OTOG: variants seen among roughly 807,000 people sequenced by gnomAD.
The protein encoded by OTOG is otogelin.
A neutral mutation model predicts 313.8 loss-of-function variants in OTOG; 296 were observed. That is an observed-to-expected ratio of 0.94 (90% CI 0.86 to 1.04). OTOG has a LOEUF of 1.04. OTOG is among the 50% of genes least tolerant of loss of function. OTOG has a pLI of 0.00. For missense variants in OTOG, 3,948 were observed against 3,840.1 expected (o/e 1.03, Z -0.74); for synonymous variants, 1,533 against 1,554.9 (o/e 0.99, Z 0.33).
At position 17,643,471 on chromosome 11, in the gene OTOG, C is replaced by A; in HGVS notation, c.8426C>A (p.Ser2809Tyr). 2.1e-6 allele frequency: 3 copies of A among 1,462,310 alleles called. No individual in the cohort carries two copies. The highest frequency in any genetic ancestry group is 1.4e-5 in the South Asian group (1 of 70,360). The allele number at this position is 1,462,310 out of a possible 1,614,324, so 90.6% of individuals were successfully genotyped here. The stretch of plus-strand genomic sequence containing the variant: ...ACTTCCTCTCTCTAGGTTGGGGGTT[C>A]CGTGGTACCTTCCTTGGAAGGATGC... ...NETECAKVGG[S>Y]VVPSLEGCCR... Residue 2809 changes from serine to tyrosine, a missense_variant, in exon 54 of 56, where the codon TCC becomes TAC. Ser to Tyr is a moderately radical substitution (Grantham distance 144). Transcript: ENST00000399397.
chr11:17,548,098 G>C, intron 2 of OTOG, 54 bp from the exon 3 acceptor site: 2 of 1,513,360 alleles, frequency 1.3e-6, no homozygotes, highest in Non-Finnish European at 1.8e-6. Context: ...GGGACTGCGG[G>C]GAGGCATAAC....
rs1565094488 is a variant in OTOG at position 17,563,853 on chromosome 11, G to GT, written c.1644+2046_1644+2047insT. ...GTGCCACCACACCTGGCTAGTTTTT[G>GT]GTTTTTTTTTTTTTTTTTTTTTTTG... On this transcript the variant is annotated intron_variant, in intron 15 of 55. Coordinates refer to ENST00000399397, the MANE Select transcript of OTOG (RefSeq NM_001292063.2). Among the ~76,000 whole-genome samples the GT allele has an allele frequency of 9.0e-3, 1,196 of 133,196 alleles. 21 individuals are homozygous for GT. The highest frequency in any genetic ancestry group is 0.035 in the African/African-American group (1,110 of 31,576). 87.4% of individuals were successfully genotyped at this position (133,196 alleles called of 152,430 possible).
At chr11:17,638,668 T>C (rs551008826) in intron 48 of OTOG, 119 bp downstream of exon 48, 2 of 1,496,044 alleles carry the variant, frequency 1.3e-6, no homozygotes, top group Non-Finnish European at 1.8e-6. Flanking sequence ...CTGCAGGGTC[T>C]CTAGAGGAAG....
intron 54 of OTOG, 55 bp downstream of exon 54, chr11:17,643,561 T>G (rs1848016757): frequency 7.8e-7 from 1 of 1,279,830 alleles, no homozygotes. Context: ...GGGCACAGGG[T>G]GTCATGTCAG....
In OTOG at chr11:17,641,836, C is replaced by A; in HGVS notation, c.8191-11C>A. The A allele has an allele frequency of 1.9e-6, 3 of 1,545,946 alleles. No homozygotes were observed. Among genetic ancestry groups the A allele is most frequent in the East Asian group, 2.4e-5 (1 of 40,878 alleles). On this transcript the variant is annotated splice_polypyrimidine_tract_variant and intron_variant, in intron 51 of 55. Coordinates refer to ENST00000399397, the MANE Select transcript of OTOG (RefSeq NM_001292063.2). ...GCATCTGGCTGAGGCCCACCCCGCC[C>A]TGGCCTGTAGAACCAGGAGTACGAG...
rs114262070 is a variant in OTOG, at chr11:17,604,111, G to C, written c.3877+1734G>C. On this transcript the variant is annotated intron_variant, in intron 32 of 55. Coordinates refer to ENST00000399397, the MANE Select transcript of OTOG (RefSeq NM_001292063.2). ...GGTGCAGTGCTTGTTAGTGACAGGC[G>C]CCAGCCGTTTGGCTCCAGAGTCTTT... Among the ~76,000 whole-genome samples, 3 of 152,150 alleles carry C rather than the reference G, an allele frequency of 2.0e-5. No homozygotes were observed. The South Asian group carries it at 6.2e-4, about 32-fold the overall frequency.
chr11:17,551,030 A>C (rs1851919539), intron 3 of OTOG, among the ~76,000 whole-genome samples: 1 of 152,206 alleles, frequency 6.6e-6, no homozygotes, highest in Non-Finnish European at 1.5e-5. Flanking sequence ...GGAGGCTGAC[A>C]TGTGAGGTAA....
intron 39 of OTOG, among the ~76,000 whole-genome samples, chr11:17,614,991 G>A (rs1853686839): frequency 6.6e-6 from 1 of 152,236 alleles, no homozygotes; most frequent in Admixed American, 6.5e-5. Context: ...CAATGGATGA[G>A]AGCTCCAGGA....
intron 53 of OTOG, 55 bp from the exon 54 acceptor site, chr11:17,643,406 C>A: frequency 8.0e-7 from 1 of 1,254,266 alleles, no homozygotes; most frequent in Non-Finnish European, 1.0e-6. Context: ...TCTTGGCTCC[C>A]GGCCTGGACA....
intron 3 of OTOG, among the ~76,000 whole-genome samples, chr11:17,548,418 C>CTTTTTGTTTTTTTTTTTTTTT (rs1851857833): frequency 1.1e-5 from 1 of 87,620 alleles, no homozygotes; most frequent in African/African-American, 4.7e-5. Flanking sequence ...ATAGTCCACT[C>CTTTTTGTTTTTTTTTTTTTTT]TTTTTTTTTT....
Position 17,612,263 on chromosome 11 carries a change from C to CT in OTOG, c.6226dup (p.Cys2076LeufsTer30). 1 of 1,546,026 alleles carries CT rather than the reference C, an allele frequency of 6.5e-7. No individual in the cohort carries two copies. The highest frequency in any genetic ancestry group is 8.7e-7 in the Non-Finnish European group (1 of 1,146,924). ...GTCCCCAGGGTGCTGCTCCCCCTCG[C>CT]TGTGGGATCCTGGGCCTCGCCGTGC... is the stretch of plus-strand genomic sequence containing the variant. On this transcript the variant is annotated frameshift_variant, in exon 37 of 56. Transcript: ENST00000399397. LOFTEE classifies it high-confidence loss of function.
intron 31 of OTOG, among the ~76,000 whole-genome samples, chr11:17,601,479 G>A (rs903043677): frequency 2.0e-5 from 3 of 151,476 alleles, no homozygotes; most frequent in Non-Finnish European, 2.9e-5. Flanking sequence ...GAGCCAGGGC[G>A]TGGGGGGAGT....
chr11:17,577,736 C>T (rs1852564206), intron 22 of OTOG, among the ~76,000 whole-genome samples: 1 of 152,070 alleles, frequency 6.6e-6, no homozygotes, highest in East Asian at 1.9e-4. Context: ...CCTCCTGTGC[C>T]TATGCCTTTC....
chr11:17,591,663 T>C (rs1852940429), intron 25 of OTOG, 75 bp downstream of exon 25: 3 of 1,513,564 alleles, frequency 2.0e-6, no homozygotes, highest in Non-Finnish European at 2.7e-6. Flanking sequence ...TGGACTCCAG[T>C]TTGATGCAGA....
chr11:17,607,302 G>T (rs1397829566), intron 33 of OTOG, among the ~76,000 whole-genome samples: 1 of 152,232 alleles, frequency 6.6e-6, no homozygotes, highest in African/African-American at 2.4e-5. Flanking sequence ...GCCTGCTTCG[G>T]AGCCTACCCA....
chr11:17,597,434 A>C (rs11024335), intron 30 of OTOG, among the ~76,000 whole-genome samples: 27,646 of 152,134 alleles, frequency 0.18, 2,652 homozygotes, highest in South Asian at 0.28. Context: ...ACCTGCCCCC[A>C]AGGTTGACTC....
At chr11:17,551,828 TCTC>T (rs1851940532) in intron 3 of OTOG, among the ~76,000 whole-genome samples, 169 bp from the exon 4 acceptor site, 1 of 152,068 alleles carries the variant, frequency 6.6e-6, no homozygotes, top group East Asian at 1.9e-4. Flanking sequence ...GCCTAAACAT[TCTC>T]CTCTGCCTCT....
Position 17,645,652 on chromosome 11 carries a change from T to G in OTOG, c.8541+9T>G. ...GCAGGAGCAGCACCCCTGTGCGTGG[T>G]GCCCACAAGGCAGTGGGGCAGCAAA... On this transcript the variant is annotated intron_variant, in intron 55 of 55. Transcript: ENST00000399397. 6.4e-7 allele frequency: 1 copy of G among 1,550,676 alleles called. No individual in the cohort carries two copies. The highest frequency in any genetic ancestry group is 1.2e-5 in the South Asian group (1 of 84,062).
At chr11:17,553,002 T>C (rs1851976683) in intron 4 of OTOG, 117 bp from the exon 5 acceptor site, 1 of 883,720 alleles carries the variant, frequency 1.1e-6, no homozygotes, top group Non-Finnish European at 1.8e-6. Context: ...CTGAGGAATG[T>C]TGGGGCTGGG....
Sources: gnomAD v4.1 joint callset for allele counts (sites outside exome capture counted in the v4.1 genomes callset) on GRCh38, gnomAD v4.1.1 for gene constraint, MANE v1.5 for transcripts, NCBI Gene and HGNC (gene_info 2026-07-23, HGNC 2026-07-21) for gene names.